Variants in FHIT observed in about 807,000 individuals in gnomAD.
FHIT encodes fragile histidine triad diadenosine triphosphatase, also known as bis(5'-adenosyl)-triphosphatase.
FHIT carries 19 observed loss-of-function variants against 17.9 expected under a neutral mutation model. That is an observed-to-expected ratio of 1.06 (90% CI 0.74 to 1.56). FHIT has a LOEUF of 1.56. FHIT is among the 40% of genes most tolerant of loss of function. FHIT has a pLI of 0.00. For synonymous variants in FHIT, 81 were observed against 69.7 expected, an observed-to-expected ratio of 1.16 and a Z score of -0.81; for missense variants, 248 against 189.2, an observed-to-expected ratio of 1.31 and a Z score of -1.82.
chr3:60,152,412 T>C (rs369748759), intron 5 of FHIT, among the ~76,000 whole-genome samples: 1 of 152,238 alleles, frequency 6.6e-6, no homozygotes, highest in Admixed American at 6.5e-5. Context: ...CAGAAACAAA[T>C]TGAGTTGTTT....
intron 2 of FHIT, among the ~76,000 whole-genome samples, chr3:61,098,696 T>G (rs1348599507): frequency 6.6e-6 from 1 of 152,226 alleles, no homozygotes; most frequent in African/African-American, 2.4e-5. Context: ...CCTAGGTATT[T>G]TATTCTTCTG....
intron 5 of FHIT, among the ~76,000 whole-genome samples, chr3:60,332,549 A>T (rs768550834): frequency 6.6e-6 from 1 of 152,194 alleles, no homozygotes; most frequent in Non-Finnish European, 1.5e-5. Flanking sequence ...GGATCTAGGA[A>T]TGGGTGTTAA....
At chr3:60,410,152 C>G (rs1702010918) in intron 5 of FHIT, among the ~76,000 whole-genome samples, 1 of 152,138 alleles carries the variant, frequency 6.6e-6, no homozygotes, top group African/African-American at 2.4e-5. Flanking sequence ...TTTGATGCTG[C>G]TTACTGGCTG....
chr3:60,768,532 C>A (rs1192807616), intron 4 of FHIT, among the ~76,000 whole-genome samples: 1 of 152,222 alleles, frequency 6.6e-6, no homozygotes, highest in Non-Finnish European at 1.5e-5. Context: ...CCAGTTCTGG[C>A]CACTGCCACT....
rs574200638 is a variant in FHIT at position 60,921,446 on chromosome 3, C to T, written c.-110-99435G>A. Among the ~76,000 whole-genome samples the T allele has an allele frequency of 3.9e-5, 6 of 152,144 alleles. No homozygotes were observed. The South Asian group carries it at 1.2e-3, about 32-fold the overall frequency. ...ACAGTGCCTTCACTTAAGGAGGGTTCGAATGGCAATAAAATACTTTTAATT... is the reference window on the plus strand; with the variant it reads ...ACAGTGCCTTCACTTAAGGAGGGTTTGAATGGCAATAAAATACTTTTAATT... On this transcript the variant is annotated intron_variant, in intron 3 of 9. Transcript: ENST00000492590.
At chr3:60,063,059 T>C (rs1441540748) in intron 5 of FHIT, among the ~76,000 whole-genome samples, 1 of 152,140 alleles carries the variant, frequency 6.6e-6, no homozygotes, top group Non-Finnish European at 1.5e-5. Context: ...AGAAGACTGT[T>C]ACAGATACAT....
intron 5 of FHIT, among the ~76,000 whole-genome samples, chr3:60,384,962 C>T (rs1456041318): frequency 6.6e-6 from 1 of 151,846 alleles, no homozygotes; most frequent in Non-Finnish European, 1.5e-5. Context: ...TCATTTTGTT[C>T]TAACTGCACA....
chr3:59,834,816 C>T lies in FHIT; in HGVS notation c.349-82495G>A, dbSNP rs529407098. 2.6e-5 allele frequency among the ~76,000 whole-genome samples: 4 copies of T among 152,252 alleles called. No individual in the cohort carries two copies. The East Asian group carries it at 5.8e-4, about 22-fold the overall frequency. On this transcript the variant is annotated intron_variant, in intron 8 of 9. Coordinates refer to ENST00000492590, the MANE Select transcript of FHIT (RefSeq NM_002012.4). ...TATAACAGATAGACAGATATACACA[C>T]ATAAAAATATATCAATGCATAAGTC...
At chr3:61,208,510 C>T (rs1326009721) in intron 1 of FHIT, among the ~76,000 whole-genome samples, 1 of 152,034 alleles carries the variant, frequency 6.6e-6, no homozygotes, top group East Asian at 1.9e-4. Context: ...GTATTGGGTG[C>T]ATATATATTT....
In FHIT at chr3:60,034,634, G is replaced by C. The variant is rs533974257; in HGVS notation, c.104-20482C>G. On this transcript the variant is annotated intron_variant, in intron 5 of 9. Transcript: ENST00000492590. Reference sequence around the variant, plus strand: ...CTGTCATCATATATTATATCATTTGGAAAGAAATATTGGTGACCTTATCCA... The same window carrying C: ...CTGTCATCATATATTATATCATTTGCAAAGAAATATTGGTGACCTTATCCA... Among the ~76,000 whole-genome samples the C allele has an allele frequency of 7.2e-5, 11 of 152,266 alleles. No homozygotes were observed. The South Asian group carries it at 1.9e-3, about 26-fold the overall frequency.
rs1027792275 is a variant in FHIT, at chr3:61,014,545, C to T, written c.-111+27502G>A. 7.3e-5 allele frequency among the ~76,000 whole-genome samples: 11 copies of T among 151,314 alleles called. No individual in the cohort carries two copies. The South Asian group carries it at 1.9e-3, about 26-fold the overall frequency. On this transcript the variant is annotated intron_variant, in intron 3 of 9. Transcript: ENST00000492590. The stretch of plus-strand genomic sequence containing the variant: ...CTGCAATCCCAGCACTTTGGGAGGC[C>T]GAGACGGGCAGATCATGAGGTCAGG...
chr3:61,215,886 C>A (rs992836528), intron 1 of FHIT, among the ~76,000 whole-genome samples: 4 of 152,270 alleles, frequency 2.6e-5, no homozygotes, highest in Middle Eastern at 3.4e-3. Context: ...CAAAAACAAG[C>A]AATGGGGAAA....
At chr3:60,229,854 C>T (rs563314778) in intron 5 of FHIT, among the ~76,000 whole-genome samples, 163 of 152,180 alleles carry the variant, frequency 1.1e-3, no homozygotes, top group Admixed American at 2.5e-3. Context: ...TGGTGATGCA[C>T]GCCTATAATC....
chr3:60,174,153 G>A (rs942270911), intron 5 of FHIT, among the ~76,000 whole-genome samples: 10 of 150,780 alleles, frequency 6.6e-5, no homozygotes, highest in South Asian at 4.2e-4. Flanking sequence ...CTCCTGATCC[G>A]CCCGCCTCAG....
intron 4 of FHIT, among the ~76,000 whole-genome samples, chr3:60,757,720 G>T (rs1290688419): frequency 6.6e-6 from 1 of 152,194 alleles, no homozygotes; most frequent in East Asian, 1.9e-4. Context: ...TATACCACTA[G>T]AGTGCGTTTG....
At chr3:60,834,467 T>C (rs1419961761) in intron 3 of FHIT, among the ~76,000 whole-genome samples, 1 of 151,550 alleles carries the variant, frequency 6.6e-6, no homozygotes, top group African/African-American at 2.4e-5. Flanking sequence ...TACTGTTGAG[T>C]TTGAAAATTC....
intron 4 of FHIT, among the ~76,000 whole-genome samples, chr3:60,590,166 C>A (rs1327562121): frequency 6.6e-6 from 1 of 151,622 alleles, no homozygotes; most frequent in East Asian, 1.9e-4. Flanking sequence ...TATTATGAAC[C>A]AAATTTTTCT....
chr3:60,509,629 C>T (rs188891312), intron 5 of FHIT, among the ~76,000 whole-genome samples: 4 of 151,826 alleles, frequency 2.6e-5, no homozygotes, highest in Admixed American at 6.6e-5. Flanking sequence ...TTTTGCTATT[C>T]GCAAGTGACA....
chr3:60,997,755 T>A (rs2030779175), intron 3 of FHIT, among the ~76,000 whole-genome samples: 1 of 152,146 alleles, frequency 6.6e-6, no homozygotes, highest in South Asian at 2.1e-4. Flanking sequence ...GCATAATGCC[T>A]TGGAGCCTCA....
Sources: gnomAD v4.1 joint callset for allele counts (sites outside exome capture counted in the v4.1 genomes callset) on GRCh38, gnomAD v4.1.1 for gene constraint, MANE v1.5 for transcripts, NCBI Gene and HGNC (gene_info 2026-07-23, HGNC 2026-07-21) for gene names.